The following NGEF variants were observed in gnomAD, a reference collection of about 807,000 sequenced individuals.
NGEF encodes ephexin-1.
Under a neutral mutation model 80.9 loss-of-function variants are expected in NGEF, and 31 were observed. That is an observed-to-expected ratio of 0.38 (90% CI 0.29 to 0.52). The LOEUF (loss-of-function observed/expected upper bound fraction) is 0.52. Ranked by LOEUF, NGEF falls within the 20% of genes least tolerant of loss-of-function variation. The pLI is 0.84. For missense variants in NGEF, 709 were observed against 926.2 expected (o/e 0.77, Z 3.04); for synonymous variants, 371 against 370.2 (o/e 1.00, Z -0.03).
At chr2:232,958,704 GT>G (rs1168156397) in intron 3 of NGEF, among the ~76,000 whole-genome samples, 2 of 152,040 alleles carry the variant, frequency 1.3e-5, no homozygotes, top group Non-Finnish European at 2.9e-5. Flanking sequence ...CTGTCTTTTT[GT>G]ATTTTAAAAA....
chr2:232,909,716 C>T (rs1692652142), intron 5 of NGEF, among the ~76,000 whole-genome samples: 1 of 152,084 alleles, frequency 6.6e-6, no homozygotes, highest in South Asian at 2.1e-4. Context: ...ATCCCGTCTC[C>T]CCACGCTCCC....
At chr2:233,005,945 T>C (rs1370411425) in intron 1 of NGEF, among the ~76,000 whole-genome samples, 1 of 152,196 alleles carries the variant, frequency 6.6e-6, no homozygotes, top group East Asian at 1.9e-4. Context: ...GCCTCCCAAG[T>C]AGCTGGAATT....
intron 3 of NGEF, among the ~76,000 whole-genome samples, chr2:232,947,708 T>C (rs1693587301): frequency 6.6e-6 from 1 of 152,090 alleles, no homozygotes. Context: ...CAGTCTCGAG[T>C]AGTATCTTTA....
chr2:232,942,506 A>C (rs1466101837), intron 3 of NGEF, among the ~76,000 whole-genome samples: 1 of 151,970 alleles, frequency 6.6e-6, no homozygotes, highest in Non-Finnish European at 1.5e-5. Context: ...TTTTCCTTTC[A>C]CTTATTAACG....
At chr2:232,943,606 C>T (rs890058862) in intron 3 of NGEF, among the ~76,000 whole-genome samples, 1 of 151,590 alleles carries the variant, frequency 6.6e-6, no homozygotes, top group Non-Finnish European at 1.5e-5. Flanking sequence ...CGCCATTCTC[C>T]TGCCTCAGCC....
intron 1 of NGEF, among the ~76,000 whole-genome samples, chr2:232,993,481 T>C (rs2106336278): frequency 6.6e-6 from 1 of 151,986 alleles, no homozygotes; most frequent in East Asian, 1.9e-4. Flanking sequence ...GAATGTAAAA[T>C]GGTTGGGGCA....
intron 9 of NGEF, among the ~76,000 whole-genome samples, chr2:232,886,586 C>T (rs1467933601): frequency 6.6e-6 from 1 of 150,778 alleles, no homozygotes; most frequent in Non-Finnish European, 1.5e-5. Flanking sequence ...AGTATAATTA[C>T]TTTCATAAAT....
intron 4 of NGEF, among the ~76,000 whole-genome samples, chr2:232,925,439 G>T (rs116750587): frequency 2.0e-3 from 303 of 152,298 alleles, no homozygotes; most frequent in Admixed American, 4.9e-3. Context: ...ACACCTGCAG[G>T]GGGTAGCAGG....
At chr2:232,927,244 C>A in intron 3 of NGEF, 58 bp from the exon 4 acceptor site, 1 of 1,496,920 alleles carries the variant, frequency 6.7e-7, no homozygotes, top group Non-Finnish European at 8.9e-7. Context: ...TTCACCTCGG[C>A]TGGCTAGCGA....
chr2:232,933,111 AAAATAAAT>A (rs60621174), intron 3 of NGEF, among the ~76,000 whole-genome samples: 2,396 of 140,150 alleles, frequency 0.017, 27 homozygotes, highest in Non-Finnish European at 0.025. Context: ...CTCCATCTCA[AAAATAAAT>A]AAATAAATAA....
At chr2:232,946,358 C>T (rs1559219283) in intron 3 of NGEF, among the ~76,000 whole-genome samples, 1 of 151,980 alleles carries the variant, frequency 6.6e-6, no homozygotes, top group Non-Finnish European at 1.5e-5. Context: ...GATAGATGTA[C>T]CAAAATCTCA....
intron 4 of NGEF, among the ~76,000 whole-genome samples, chr2:232,925,928 C>A (rs1001146827): frequency 2.0e-5 from 3 of 152,150 alleles, no homozygotes; most frequent in African/African-American, 7.2e-5. Context: ...GAACAAAATT[C>A]CGGAGTCAGC....
intron 1 of NGEF, among the ~76,000 whole-genome samples, chr2:232,989,341 A>G (rs1421825722): frequency 6.6e-6 from 1 of 152,116 alleles, no homozygotes; most frequent in Non-Finnish European, 1.5e-5. Context: ...CCAGCTACTC[A>G]GGAGGCTGAG....
intron 3 of NGEF, among the ~76,000 whole-genome samples, chr2:232,958,173 C>T (rs1276610614): frequency 2.6e-5 from 4 of 152,120 alleles, no homozygotes; most frequent in Non-Finnish European, 5.9e-5. Flanking sequence ...TATGATGCTC[C>T]ATTTGTATTT....
At position 232,924,073 on chromosome 2, in the gene NGEF, C is replaced by T. The variant is rs541993778; in HGVS notation, c.526+2971G>A. 6.6e-5 allele frequency among the ~76,000 whole-genome samples: 10 copies of T among 152,110 alleles called. No homozygotes were observed. The East Asian group carries it at 1.7e-3, about 27-fold the overall frequency. ...CCAACATGGTGAAACCCCATCTCTACTAAAAATACAAAAATTAGCTGGGTG... is the reference window on the plus strand; with the variant it reads ...CCAACATGGTGAAACCCCATCTCTATTAAAAATACAAAAATTAGCTGGGTG... On this transcript the variant is annotated intron_variant, in intron 4 of 14. Transcript: ENST00000264051.
intron 5 of NGEF, among the ~76,000 whole-genome samples, chr2:232,907,698 AAT>A (rs1454726446): frequency 3.9e-5 from 6 of 152,212 alleles, no homozygotes; most frequent in African/African-American, 2.4e-5. Context: ...GTAAAAAAAA[AAT>A]CTTTATTTTC....
At chr2:232,936,638 C>T (rs1693329720) in intron 3 of NGEF, among the ~76,000 whole-genome samples, 1 of 152,158 alleles carries the variant, frequency 6.6e-6, no homozygotes, top group Non-Finnish European at 1.5e-5. Context: ...TGGTGCGCCA[C>T]GCATGTTATC....
intron 5 of NGEF, among the ~76,000 whole-genome samples, chr2:232,907,239 C>G (rs1338970984): frequency 2.1e-5 from 3 of 142,560 alleles, no homozygotes; most frequent in African/African-American, 7.8e-5. Context: ...GTTCTGAAAT[C>G]CTGGCTCCCC....
intron 9 of NGEF, among the ~76,000 whole-genome samples, chr2:232,886,782 C>T (rs965111570): frequency 2.0e-5 from 3 of 152,256 alleles, no homozygotes; most frequent in Non-Finnish European, 4.4e-5. Context: ...GCCATGGTGG[C>T]CCCGTGTGGC....
Sources: gnomAD v4.1 joint callset for allele counts (sites outside exome capture counted in the v4.1 genomes callset) on GRCh38, gnomAD v4.1.1 for gene constraint, MANE v1.5 for transcripts, NCBI Gene and HGNC (gene_info 2026-07-23, HGNC 2026-07-21) for gene names.